The following RNF13 variants were observed in gnomAD, a reference collection of about 807,000 sequenced individuals.
RNF13 encodes E3 ubiquitin-protein ligase RNF13.
A neutral mutation model predicts 37.7 loss-of-function variants in RNF13; 19 were observed. That is an observed-to-expected ratio of 0.50 (90% confidence interval 0.35 to 0.74). The LOEUF (loss-of-function observed/expected upper bound fraction) is 0.74. RNF13 is among the 30% of genes least tolerant of loss of function. The probability of loss-of-function intolerance (pLI) is 0.01; values close to 1 mark genes in which losing one functional copy is unlikely to be tolerated. For synonymous variants in RNF13, 144 were observed against 157.8 expected (o/e 0.91, Z 0.65); for missense variants, 375 against 453.0 (o/e 0.83, Z 1.56).
intron 1 of RNF13, among the ~76,000 whole-genome samples, chr3:149,836,084 T>C (rs1025032482): frequency 8.5e-5 from 13 of 152,218 alleles, no homozygotes; most frequent in Non-Finnish European, 2.9e-5. Context: ...ATGGCCATTC[T>C]TGCAGGAGTA....
intron 8 of RNF13, among the ~76,000 whole-genome samples, chr3:149,948,518 A>C (rs1454484478): frequency 1.3e-5 from 2 of 151,902 alleles, no homozygotes; most frequent in African/African-American, 4.8e-5. Flanking sequence ...TATCTTCCTT[A>C]TGGTTACCCT....
At chr3:149,887,869 T>C (rs1411661800) in intron 4 of RNF13, among the ~76,000 whole-genome samples, 1 of 152,166 alleles carries the variant, frequency 6.6e-6, no homozygotes, top group African/African-American at 2.4e-5. Flanking sequence ...GAATGTTAAT[T>C]GTAAGAGTTT....
At chr3:149,932,337 C>T (rs1482557106) in intron 8 of RNF13, among the ~76,000 whole-genome samples, 6 of 152,172 alleles carry the variant, frequency 3.9e-5, no homozygotes. Context: ...CCCGCCACAT[C>T]ACATGTTCCT....
chr3:149,868,798 G>C (rs753509451), intron 3 of RNF13, among the ~76,000 whole-genome samples: 16 of 151,690 alleles, frequency 1.1e-4, no homozygotes, highest in Non-Finnish European at 1.9e-4. Context: ...TGACCTTTGA[G>C]AGTTTGATTA....
At chr3:149,919,459 AC>A (rs1717900678) in intron 7 of RNF13, among the ~76,000 whole-genome samples, 1 of 152,098 alleles carries the variant, frequency 6.6e-6, no homozygotes, top group East Asian at 1.9e-4. Context: ...ACTATAGATT[AC>A]TTTGCATTTT....
chr3:149,873,262 C>T (rs550828613), intron 4 of RNF13, among the ~76,000 whole-genome samples: 1 of 152,284 alleles, frequency 6.6e-6, no homozygotes, highest in Non-Finnish European at 1.5e-5. Context: ...GGACTCGGTA[C>T]AGTCTGATAA....
chr3:149,926,971 A>G (rs1319398395), intron 8 of RNF13, among the ~76,000 whole-genome samples: 1 of 152,166 alleles, frequency 6.6e-6, no homozygotes, highest in African/African-American at 2.4e-5. Flanking sequence ...ACCTCCAAAT[A>G]TATGCACAAG....
intron 8 of RNF13, among the ~76,000 whole-genome samples, chr3:149,935,141 T>G (rs1559961605): frequency 1.3e-5 from 2 of 152,186 alleles, no homozygotes; most frequent in African/African-American, 2.4e-5. Context: ...AGTGATTTTT[T>G]GGGTCTCTTT....
At chr3:149,830,729 C>G (rs956519516) in intron 1 of RNF13, among the ~76,000 whole-genome samples, 1 of 151,142 alleles carries the variant, frequency 6.6e-6, no homozygotes, top group Non-Finnish European at 1.5e-5. Context: ...GCTTAAGTAA[C>G]GAGGAGCCAA....
chr3:149,910,206 G>T (rs1716849617), intron 6 of RNF13, among the ~76,000 whole-genome samples: 1 of 152,168 alleles, frequency 6.6e-6, no homozygotes, highest in Non-Finnish European at 1.5e-5. Flanking sequence ...GATATTAATT[G>T]CGGAGCTGGC....
Position 149,960,969 on chromosome 3 carries a change from A to C in RNF13, c.1011A>C (p.Glu337Asp). The change falls in exon 10 of 10, where the codon GAA (glutamate) becomes GAC (aspartate). Residue 337 changes from glutamate (E) to aspartate (D), a missense_variant. Physicochemically the swap from Glu to Asp is conservative, Grantham distance 45. Transcript: ENST00000392894. ...SESRSHQNMTESSDYEEDDNE... is the reference protein window; with the variant it reads ...SESRSHQNMTDSSDYEEDDNE... ...CCCGCTCACATCAGAACATGACAGA[A>C]TCTTCAGACTATGAGGAAGACGACA... is the stretch of plus-strand genomic sequence containing the variant. 6.2e-7 allele frequency: 1 copy of C among 1,614,246 alleles called. No homozygotes were observed. The highest frequency in any genetic ancestry group is 8.5e-7 in the Non-Finnish European group (1 of 1,180,032).
intron 1 of RNF13, among the ~76,000 whole-genome samples, chr3:149,834,375 A>G (rs1180197610): frequency 6.6e-6 from 1 of 152,240 alleles, no homozygotes; most frequent in Admixed American, 6.5e-5. Context: ...ATAGTGTGGT[A>G]CTGGTGTAAA....
chr3:149,818,431 T>G (rs1159284497), intron 1 of RNF13, among the ~76,000 whole-genome samples: 1 of 152,206 alleles, frequency 6.6e-6, no homozygotes, highest in Non-Finnish European at 1.5e-5. Context: ...CGCATTTGTC[T>G]CTCCCTTTTC....
chr3:149,866,316 G>C (rs1387788969), intron 3 of RNF13, among the ~76,000 whole-genome samples: 7 of 152,204 alleles, frequency 4.6e-5, no homozygotes, highest in Non-Finnish European at 1.0e-4. Flanking sequence ...TTGATGATAT[G>C]CTAAACAAGG....
chr3:149,943,660 CCT>C lies in RNF13; in HGVS notation c.701-16393_701-16392del, dbSNP rs556947325. On this transcript the variant is annotated intron_variant, in intron 8 of 9. Transcript: ENST00000392894. ...GGAGTAGGTTCACTGCCCTAGCAAT[CCT>C]CTGTGTTCTGCCTGTTTATCTCTCC... is the stretch of plus-strand genomic sequence containing the variant. Among the ~76,000 whole-genome samples the C allele has an allele frequency of 1.1e-4, 16 of 152,284 alleles. No homozygotes were observed. The East Asian group carries it at 2.7e-3, about 26-fold the overall frequency.
intron 1 of RNF13, among the ~76,000 whole-genome samples, chr3:149,835,464 T>G (rs1721503682): frequency 6.6e-6 from 1 of 152,110 alleles, no homozygotes; most frequent in African/African-American, 2.4e-5. Context: ...CATTGTATCA[T>G]TCTTATACCG....
chr3:149,834,076 A>G lies in RNF13; in HGVS notation c.-16-11935A>G, dbSNP rs150403503. ...TAAACCAAGGAGGTGGAAGAATTGT[A>G]CACTGAAAATTGTAAGACTTTGCTG... is the stretch of plus-strand genomic sequence containing the variant. On this transcript the variant is annotated intron_variant, in intron 1 of 9. Transcript: ENST00000392894. 3.1e-3 allele frequency among the ~76,000 whole-genome samples: 477 copies of G among 152,338 alleles called. 1 individual carries two copies. The highest frequency in any genetic ancestry group is 5.6e-3 in the Non-Finnish European group (383 of 68,036).
chr3:149,931,436 G>T (rs1050364345), intron 8 of RNF13, among the ~76,000 whole-genome samples: 4 of 151,826 alleles, frequency 2.6e-5, no homozygotes, highest in African/African-American at 4.8e-5. Context: ...AATTTAATTT[G>T]CTCTGTTTCT....
intron 1 of RNF13, among the ~76,000 whole-genome samples, chr3:149,840,015 T>TA (rs1447486241): frequency 6.6e-6 from 1 of 152,206 alleles, no homozygotes; most frequent in African/African-American, 2.4e-5. Context: ...GTATCTTATT[T>TA]ATTTTTTTTC....
Sources: gnomAD v4.1 joint callset for allele counts (sites outside exome capture counted in the v4.1 genomes callset) on GRCh38, gnomAD v4.1.1 for gene constraint, MANE v1.5 for transcripts, NCBI Gene and HGNC (gene_info 2026-07-23, HGNC 2026-07-21) for gene names.